Variants in ANK3 observed in about 807,000 individuals in gnomAD.
ANK3 encodes ankyrin-3.
ANK3 carries 57 observed loss-of-function variants against 370.9 expected under a neutral mutation model. That is an observed-to-expected ratio of 0.15 (90% confidence interval 0.12 to 0.19). The LOEUF (loss-of-function observed/expected upper bound fraction) is 0.19. Ranked by LOEUF, ANK3 falls within the 10% of genes least tolerant of loss-of-function variation. The probability of loss-of-function intolerance (pLI) is 1.00; values close to 1 mark genes in which losing one functional copy is unlikely to be tolerated. For missense variants in ANK3, 4,439 were observed against 5,302.1 expected (o/e 0.84, Z 5.06); for synonymous variants, 1,929 against 1,946.3 (o/e 0.99, Z 0.23).
At chr10:60,549,639 T>A (rs1438608634) in intron 2 of ANK3, among the ~76,000 whole-genome samples, 3 of 152,156 alleles carry the variant, frequency 2.0e-5, no homozygotes, top group African/African-American at 7.2e-5. Context: ...TTTGGCCACT[T>A]AACTTGGATT....
intron 43 of ANK3, among the ~76,000 whole-genome samples, chr10:60,035,676 T>A (rs909847761): frequency 6.6e-6 from 1 of 151,378 alleles, no homozygotes; most frequent in African/African-American, 2.4e-5. Context: ...AGGCTTTTGT[T>A]AACAGGAATT....
At chr10:60,721,680 G>C (rs1388528516) in intron 1 of ANK3, among the ~76,000 whole-genome samples, 2 of 152,112 alleles carry the variant, frequency 1.3e-5, no homozygotes, top group Admixed American at 6.5e-5. Flanking sequence ...TATCTAACTT[G>C]GGCAGACAAT....
At chr10:60,691,663 C>T (rs2079355187) in intron 1 of ANK3, among the ~76,000 whole-genome samples, 1 of 152,130 alleles carries the variant, frequency 6.6e-6, no homozygotes, top group Non-Finnish European at 1.5e-5. Flanking sequence ...GGATCCTTGA[C>T]CTTTTATTAT....
chr10:60,042,955 T>G (rs2076371602), intron 42 of ANK3, 196 bp from the exon 43 acceptor site: 1 of 1,375,126 alleles, frequency 7.3e-7, no homozygotes, highest in African/African-American at 1.5e-5. Flanking sequence ...GAGAGCACTG[T>G]CAAAATGAAT....
intron 2 of ANK3, among the ~76,000 whole-genome samples, chr10:60,445,501 G>T (rs1291019975): frequency 6.6e-5 from 10 of 151,482 alleles, no homozygotes; most frequent in Non-Finnish European, 1.3e-4. Flanking sequence ...AAAAAATCAG[G>T]GCTCCAGGAT....
chr10:60,396,166 A>T (rs1228649519), intron 2 of ANK3, among the ~76,000 whole-genome samples: 1 of 152,218 alleles, frequency 6.6e-6, no homozygotes, highest in Non-Finnish European at 1.5e-5. Flanking sequence ...CAAATAAAAA[A>T]ATGAACAAGA....
At chr10:60,579,284 C>A (rs2077719287) in intron 2 of ANK3, among the ~76,000 whole-genome samples, 2 of 141,708 alleles carry the variant, frequency 1.4e-5, no homozygotes, top group Admixed American at 7.5e-5. Flanking sequence ...GAGATTGTGC[C>A]ACTGCACTCT....
chr10:60,512,080 A>G (rs1329658162), intron 2 of ANK3, among the ~76,000 whole-genome samples: 1 of 152,106 alleles, frequency 6.6e-6, no homozygotes, highest in Admixed American at 6.6e-5. Context: ...ACATGTTTCC[A>G]GGAACTTTCG....
chr10:60,159,073 G>A (rs1182319335), intron 23 of ANK3, among the ~76,000 whole-genome samples: 3 of 152,166 alleles, frequency 2.0e-5, no homozygotes, highest in Admixed American at 6.5e-5. Flanking sequence ...AAATGGCATA[G>A]TAAGTTCTTA....
At chr10:60,520,178 G>C (rs913051030) in intron 2 of ANK3, among the ~76,000 whole-genome samples, 4 of 152,196 alleles carry the variant, frequency 2.6e-5, no homozygotes, top group African/African-American at 4.8e-5. Context: ...AATTAATGCA[G>C]AAACAGAAAA....
chr10:60,240,306 AT>A lies in ANK3; in HGVS notation c.799-5521del, dbSNP rs1555186003. On this transcript the variant is annotated intron_variant, in intron 7 of 43. Transcript: ENST00000280772. ...CATATATATATATATATATATATAT[AT>A]TTTTTTTTCTTTTTGAGATAGAGTT... is the stretch of plus-strand genomic sequence containing the variant. 6.4e-3 allele frequency among the ~76,000 whole-genome samples: 762 copies of A among 119,748 alleles called. 19 individuals are homozygous for A. Among genetic ancestry groups the A allele is most frequent in the African/African-American group, 0.023 (729 of 31,740 alleles). 78.6% of individuals were successfully genotyped at this position (119,748 alleles called of 152,430 possible). A position where few individuals can be genotyped will look rare whatever the true frequency, so the allele number is the denominator to read the frequency against.
Position 60,465,320 on chromosome 10 carries a change from C to T in ANK3, c.96+149866G>A, listed in dbSNP as rs189251016. 2.5e-3 allele frequency among the ~76,000 whole-genome samples: 379 copies of T among 152,104 alleles called. 2 individuals carry two copies. The highest frequency in any genetic ancestry group is 3.7e-3 in the Non-Finnish European group (252 of 67,988). The stretch of plus-strand genomic sequence containing the variant: ...AGAGAGAGAAGTTCTTCATTTACTA[C>T]TGAGACTTGTGTAGGAATTTTTAGA... On this transcript the variant is annotated intron_variant, in intron 2 of 43. Coordinates refer to the ANK3 transcript ENST00000373827.
chr10:60,079,719 C>G (rs1366148317), intron 36 of ANK3, among the ~76,000 whole-genome samples: 1 of 152,106 alleles, frequency 6.6e-6, no homozygotes, highest in Non-Finnish European at 1.5e-5. Flanking sequence ...ATGCTGAGCT[C>G]AATACCCTTA....
intron 8 of ANK3, among the ~76,000 whole-genome samples, chr10:60,222,277 G>A (rs954109522): frequency 2.6e-5 from 4 of 152,132 alleles, no homozygotes; most frequent in Non-Finnish European, 4.4e-5. Context: ...GACATTGACA[G>A]GTCAGTGGAA....
intron 23 of ANK3, chr10:60,140,267 GTAAC>G (rs2094504592): frequency 7.2e-7 from 1 of 1,384,584 alleles, no homozygotes; most frequent in South Asian, 1.2e-5. Flanking sequence ...ATTATTTTAA[GTAAC>G]TATTTACGGC....
At chr10:60,710,424 TA>T (rs34041568) in intron 1 of ANK3, among the ~76,000 whole-genome samples, 42,789 of 152,026 alleles carry the variant, frequency 0.28, 6,807 homozygotes, top group South Asian at 0.48. Flanking sequence ...TAAGTTTTGA[TA>T]AATTTTAACT....
At chr10:60,582,826 C>T (rs577671160) in intron 2 of ANK3, among the ~76,000 whole-genome samples, 1 of 151,864 alleles carries the variant, frequency 6.6e-6, no homozygotes, top group South Asian at 2.1e-4. Context: ...TGATCTTATC[C>T]CCTCACTCCA....
chr10:60,314,156 C>T (rs2132859535), intron 1 of ANK3, among the ~76,000 whole-genome samples: 1 of 152,232 alleles, frequency 6.6e-6, no homozygotes, highest in Admixed American at 6.5e-5. Flanking sequence ...AGTTAAAAAG[C>T]AAAAATTTTC....
intron 1 of ANK3, among the ~76,000 whole-genome samples, chr10:60,323,783 G>C (rs2049184337): frequency 6.6e-6 from 1 of 152,144 alleles, no homozygotes; most frequent in South Asian, 2.1e-4. Context: ...AGGAAGACAA[G>C]CAGGAAAGAG....
Sources: allele counts gnomAD v4.1 joint callset (sites outside exome capture counted in the v4.1 genomes callset), GRCh38; gene constraint gnomAD v4.1.1; transcripts MANE v1.5; gene names NCBI Gene and HGNC (gene_info 2026-07-23, HGNC 2026-07-21).